The following DOCK10 variants were observed in gnomAD, a reference collection of about 807,000 sequenced individuals.
The protein encoded by DOCK10 is dedicator of cytokinesis 10.
A neutral mutation model predicts 280.1 loss-of-function variants in DOCK10; 145 were observed. The ratio of observed to expected loss-of-function variants is 0.52; its 90% CI spans 0.45 to 0.59. The LOEUF (loss-of-function observed/expected upper bound fraction) is 0.59. Ranked by LOEUF, DOCK10 falls within the 20% of genes least tolerant of loss-of-function variation. The pLI, the probability that DOCK10 is intolerant of heterozygous loss-of-function variation, is 0.00. For synonymous variants in DOCK10, 915 were observed against 942.2 expected, an observed-to-expected ratio of 0.97 and a Z score of 0.53; for missense variants, 2,368 against 2,651.7, an observed-to-expected ratio of 0.89 and a Z score of 2.35.
In DOCK10 at chr2:224,874,149, G is replaced by A. The variant is rs1257188256; in HGVS notation, c.1104C>T (p.Thr368=). ...AGAGATCTTTTTTTTGAAGTTTCAA[G>A]GTCTAAAAAAGTTTTGAATGAGTCA... The part of the protein sequence containing the change: ...NLFSLDPDID[T]LKLQKKDLLE... Residue 368 remains threonine, a splice_region_variant and synonymous_variant, in exon 11 of 56, where the codon ACC becomes ACT. Transcript: ENST00000258390. The A allele has an allele frequency of 6.3e-7, 1 of 1,584,620 alleles. No individual in the cohort carries two copies. Among genetic ancestry groups the A allele is most frequent in the African/African-American group, 1.4e-5 (1 of 73,884 alleles).
chr2:224,828,850 A>C (rs137906249), intron 27 of DOCK10, among the ~76,000 whole-genome samples: 203 of 152,292 alleles, frequency 1.3e-3, no homozygotes, highest in African/African-American at 4.4e-3. Context: ...GCAACCAACA[A>C]TGGTGGTACA....
At chr2:224,832,933 TC>T (rs534349843) in intron 26 of DOCK10, among the ~76,000 whole-genome samples, 149 of 152,224 alleles carry the variant, frequency 9.8e-4, no homozygotes, top group African/African-American at 3.3e-3. Context: ...ATCTGCACAT[TC>T]CACTGCTTCC....
chr2:224,973,099 G>A (rs1705190535), intron 1 of DOCK10, among the ~76,000 whole-genome samples: 1 of 151,976 alleles, frequency 6.6e-6, no homozygotes, highest in African/African-American at 2.4e-5. Context: ...ATTTTTCTTT[G>A]TTTCAATAAG....
chr2:224,774,978 C>A lies in DOCK10; in HGVS notation c.5940G>T (p.Glu1980Asp). The A allele has an allele frequency of 6.2e-7, 1 of 1,612,824 alleles. No individual in the cohort carries two copies. The highest frequency in any genetic ancestry group is 1.3e-5 in the African/African-American group (1 of 75,044). The change falls in exon 52 of 56, where the codon GAG becomes GAT. Residue 1980 changes from glutamate to aspartate, a missense_variant. Glu to Asp is a conservative substitution (Grantham distance 45). Transcript: ENST00000258390. ...TCTTGCCCGACAGCGTGAAGGGTGT[C>A]TCGAAGACAAAGCGGTTGATGTTGT... Reference protein sequence around the residue: ...MHHNINRFVFETPFTLSGKKH... With the variant: ...MHHNINRFVFDTPFTLSGKKH...
At chr2:224,982,290 G>A in intron 1 of DOCK10, 3 of 1,231,964 alleles carry the variant, frequency 2.4e-6, no homozygotes, top group Non-Finnish European at 3.0e-6. Flanking sequence ...TCTTGGCGTC[G>A]TCTACAAATG....
intron 3 of DOCK10, among the ~76,000 whole-genome samples, chr2:224,907,361 A>G (rs144184542): frequency 6.6e-6 from 1 of 152,216 alleles, no homozygotes; most frequent in East Asian, 1.9e-4. Context: ...CTCCCTGAAC[A>G]CAGGTAGACA....
At position 224,841,810 on chromosome 2, in the gene DOCK10, A is replaced by G; in HGVS notation, c.2655T>C (p.Ser885=). Residue 885 remains serine (S), a synonymous_variant, in exon 23 of 56, where the codon TCT becomes TCC. Transcript: ENST00000258390. The part of the protein sequence containing the change: ...SQSPTSNFIR[S]CKNLLNVEKI... ...TGCTTGCATGTCATGTTACCTTACA[A>G]GAGCGGATGAAATTTGAGGTAGGTG... 7 of 1,608,474 alleles carry G rather than the reference A, an allele frequency of 4.4e-6. No individual in the cohort carries two copies. The highest frequency in any genetic ancestry group is 6.0e-6 in the Non-Finnish European group (7 of 1,174,944).
Position 224,854,982 on chromosome 2 carries a change from G to C in DOCK10, c.1869C>G (p.Asn623Lys). Residue 623 changes from asparagine to lysine, a missense_variant, in exon 16 of 56, where the codon AAC (asparagine) becomes AAG (lysine). Physicochemically the swap from Asn to Lys is moderately conservative, Grantham distance 94 (BLOSUM62 0). Transcript: ENST00000258390. ...IPGSLDIAVD[N>K]VPLEHPNCVT... Reference sequence around the variant, plus strand: ...TCATACTTGGATGCTCCAAGGGAACGTTGTCAACAGCAATATCCAGGCTTC... The same window carrying C: ...TCATACTTGGATGCTCCAAGGGAACCTTGTCAACAGCAATATCCAGGCTTC... 6.2e-7 allele frequency: 1 copy of C among 1,607,076 alleles called. No homozygotes were observed. Among genetic ancestry groups the C allele is most frequent in the Non-Finnish European group, 8.5e-7 (1 of 1,176,322 alleles).
At chr2:224,830,880 G>GC (rs1695178217) in intron 26 of DOCK10, among the ~76,000 whole-genome samples, 1 of 149,818 alleles carries the variant, frequency 6.7e-6, no homozygotes, top group Non-Finnish European at 1.5e-5. Context: ...TTCAAGGGAT[G>GC]TTCTAGTTGT....
chr2:224,949,721 T>G (rs1043141567), intron 1 of DOCK10, among the ~76,000 whole-genome samples: 1 of 152,194 alleles, frequency 6.6e-6, no homozygotes, highest in Admixed American at 6.5e-5. Context: ...TGTGTGTCCT[T>G]TGGCCAATCA....
chr2:224,996,174 C>T (rs1706268225), intron 1 of DOCK10, among the ~76,000 whole-genome samples: 1 of 152,242 alleles, frequency 6.6e-6, no homozygotes, highest in South Asian at 2.1e-4. Flanking sequence ...CACCCTATAT[C>T]TGCTGTTTCT....
At chr2:224,949,281 C>T (rs1417445875) in intron 1 of DOCK10, among the ~76,000 whole-genome samples, 1 of 152,134 alleles carries the variant, frequency 6.6e-6, no homozygotes, top group African/African-American at 2.4e-5. Context: ...TATTGTTAAT[C>T]AAAAGTCCTA....
chr2:224,908,510 T>C (rs1700812765), intron 3 of DOCK10, among the ~76,000 whole-genome samples: 1 of 151,962 alleles, frequency 6.6e-6, no homozygotes, highest in African/African-American at 2.4e-5. Context: ...TTTATTTTTC[T>C]ACGGACAGAG....
chr2:224,972,208 T>C (rs908885681), intron 1 of DOCK10, among the ~76,000 whole-genome samples: 6 of 152,240 alleles, frequency 3.9e-5, no homozygotes, highest in African/African-American at 1.4e-4. Flanking sequence ...ACTATTATTT[T>C]TGGACATTAT....
At chr2:224,831,678 C>A (rs1480860158) in intron 26 of DOCK10, among the ~76,000 whole-genome samples, 3 of 152,208 alleles carry the variant, frequency 2.0e-5, no homozygotes, top group African/African-American at 7.2e-5. Flanking sequence ...GAGGTAGGGC[C>A]TTGTACGCCT....
At chr2:224,902,865 G>C (rs140247992) in intron 3 of DOCK10, among the ~76,000 whole-genome samples, 1 of 152,106 alleles carries the variant, frequency 6.6e-6, no homozygotes, top group Admixed American at 6.6e-5. Flanking sequence ...AGGCCAACGC[G>C]GGCAGATCAT....
At chr2:224,851,694 A>G (rs1172712432) in intron 18 of DOCK10, among the ~76,000 whole-genome samples, 1 of 152,086 alleles carries the variant, frequency 6.6e-6, no homozygotes, top group Non-Finnish European at 1.5e-5. Context: ...GATTGGCAGC[A>G]GGCCCACTAC....
In DOCK10 at chr2:225,003,033, G is replaced by T. The variant is rs1040681623; in HGVS notation, c.123+39219C>A. On this transcript the variant is annotated intron_variant, in intron 1 of 55. Transcript: ENST00000258390. ...TTTGAGAATGGGAAGGAATTTGAAG[G>T]TTACATTTTTATTTTTATTTTATTC... Among the ~76,000 whole-genome samples the T allele has an allele frequency of 3.9e-5, 6 of 152,018 alleles. No homozygotes were observed. In the East Asian group the frequency reaches 1.2e-3, roughly 29 times the overall value.
chr2:224,963,793 T>A (rs1277386388), intron 1 of DOCK10, among the ~76,000 whole-genome samples: 1 of 152,222 alleles, frequency 6.6e-6, no homozygotes, highest in Non-Finnish European at 1.5e-5. Context: ...GAAGTTAAAA[T>A]TTTCAATTAC....
Sources: allele counts gnomAD v4.1 joint callset (sites outside exome capture counted in the v4.1 genomes callset), GRCh38; gene constraint gnomAD v4.1.1; transcripts MANE v1.5; gene names NCBI Gene and HGNC (gene_info 2026-07-23, HGNC 2026-07-21).